Variants in TMED10 observed in about 807,000 individuals in gnomAD.
TMED10 encodes transmembrane emp24 domain-containing protein 10.
Under a neutral mutation model 23.1 loss-of-function variants are expected in TMED10, and 7 were observed. The ratio of observed to expected loss-of-function variants is 0.30; its 90% confidence interval spans 0.17 to 0.57. TMED10 has a LOEUF of 0.57. Among genes scored for constraint, TMED10 ranks in the 20% least tolerant of loss-of-function variants. The probability of loss-of-function intolerance (pLI) is 0.91; values close to 1 mark genes in which losing one functional copy is unlikely to be tolerated. For missense variants in TMED10, 162 were observed against 274.8 expected, an observed-to-expected ratio of 0.59 and a Z score of 2.90; for synonymous variants, 113 against 106.9, an observed-to-expected ratio of 1.06 and a Z score of -0.35.
At chr14:75,139,893 A>C (rs1310365075) in intron 3 of TMED10, among the ~76,000 whole-genome samples, 1 of 152,188 alleles carries the variant, frequency 6.6e-6, no homozygotes, top group Admixed American at 6.5e-5. Context: ...AAAAAACAAC[A>C]ATCATGGATA....
At chr14:75,139,635 CAA>C (rs34813747) in intron 3 of TMED10, among the ~76,000 whole-genome samples, 17 of 109,248 alleles carry the variant, frequency 1.6e-4, no homozygotes, top group Non-Finnish European at 1.3e-4. Flanking sequence ...GACTCCGACT[CAA>C]AAAAAAAAAA....
intron 1 of TMED10, among the ~76,000 whole-genome samples, chr14:75,168,202 C>T (rs553578681): frequency 1.3e-5 from 2 of 152,260 alleles, no homozygotes; most frequent in South Asian, 4.1e-4. Context: ...CCCCTACTCC[C>T]TAGTGCCTGA....
At chr14:75,151,261 C>A (rs527786486) in intron 2 of TMED10, among the ~76,000 whole-genome samples, 2 of 152,072 alleles carry the variant, frequency 1.3e-5, no homozygotes, top group Admixed American at 1.3e-4. Flanking sequence ...CACTCTGTCA[C>A]CCAGGCTGGA....
chr14:75,139,211 A>G (rs1484300992), intron 3 of TMED10: 1 of 440,404 alleles, frequency 2.3e-6, no homozygotes, highest in Non-Finnish European at 4.5e-6. Flanking sequence ...ATAACTTAAA[A>G]TCTATTTATA....
chr14:75,169,833 T>C (rs1485667023), intron 1 of TMED10, among the ~76,000 whole-genome samples: 1 of 152,152 alleles, frequency 6.6e-6, no homozygotes, highest in Non-Finnish European at 1.5e-5. Context: ...ACCTAGAATG[T>C]GGCCTACCAT....
intron 1 of TMED10, among the ~76,000 whole-genome samples, chr14:75,164,554 TATATATATATATATA>T (rs1896129780): frequency 4.5e-4 from 1 of 2,206 alleles, no homozygotes; most frequent in African/African-American, 8.2e-4. Flanking sequence ...TATATATATA[TATATATATATATATA>T]TATATATATT....
chr14:75,145,275 T>C (rs1895869109), intron 3 of TMED10, among the ~76,000 whole-genome samples: 1 of 152,176 alleles, frequency 6.6e-6, no homozygotes, highest in Non-Finnish European at 1.5e-5. Context: ...GATTCCCCTC[T>C]TGGGTTAAGC....
rs1218123750 is a variant in TMED10 at position 75,176,586 on chromosome 14, G to C, written c.-7C>G. On this transcript the variant is annotated 5_prime_UTR_variant, in exon 1 of 5. Coordinates refer to ENST00000303575, the MANE Select transcript of TMED10 (RefSeq NM_006827.6). ...GGCCAGACAAACCAGACATGGTGCT[G>C]GAGACTCGTTCACCACCGAAGGCCT... The C allele has an allele frequency of 6.2e-7, 1 of 1,613,814 alleles. No homozygotes were observed. Among genetic ancestry groups the C allele is most frequent in the Non-Finnish European group, 8.5e-7 (1 of 1,179,906 alleles).
intron 3 of TMED10, 69 bp downstream of exon 3, chr14:75,147,594 CT>C (rs1230324032): frequency 6.6e-7 from 1 of 1,510,574 alleles, no homozygotes; most frequent in African/African-American, 1.4e-5. Context: ...GCCTGTTGGC[CT>C]GCCGAGGTCA....
At chr14:75,165,585 G>A (rs1362210351) in intron 1 of TMED10, among the ~76,000 whole-genome samples, 2 of 152,094 alleles carry the variant, frequency 1.3e-5, no homozygotes, top group African/African-American at 4.8e-5. Flanking sequence ...AAACTCTGAC[G>A]GCTTAGGTGC....
In TMED10 at chr14:75,133,145, C is replaced by G. The variant is rs955983724; in HGVS notation, c.*1740G>C. ...ATTCTCTAGATGGAACACTGAAGGACAGGAATTAAGTAAGTGACTGGCCAT... is the reference window on the plus strand; with the variant it reads ...ATTCTCTAGATGGAACACTGAAGGAGAGGAATTAAGTAAGTGACTGGCCAT... On this transcript the variant is annotated 3_prime_UTR_variant, in exon 5 of 5. Transcript: ENST00000303575. The G allele has an allele frequency of 1.3e-5, 2 of 152,108 alleles. No homozygotes were observed. Among genetic ancestry groups the G allele is most frequent in the African/African-American group, 4.8e-5 (2 of 41,426 alleles). The allele number at this position is 152,108 out of a possible 1,614,324, so 9.4% of individuals were successfully genotyped here. A position where few individuals can be genotyped will look rare whatever the true frequency, so the allele number is the denominator to read the frequency against.
chr14:75,154,237 C>CA (rs78523802), intron 1 of TMED10, among the ~76,000 whole-genome samples: 14 of 122,796 alleles, frequency 1.1e-4, no homozygotes, highest in African/African-American at 3.3e-4. Flanking sequence ...ACTAAAAATA[C>CA]AAAAAAAAAA....
chr14:75,140,907 A>G (rs1221734750), intron 3 of TMED10, among the ~76,000 whole-genome samples: 1 of 151,732 alleles, frequency 6.6e-6, no homozygotes, highest in Non-Finnish European at 1.5e-5. Context: ...AATAATAAAG[A>G]AAAAAAAACT....
chr14:75,140,186 C>G (rs175439), intron 3 of TMED10, among the ~76,000 whole-genome samples: 149,156 of 152,146 alleles, frequency 0.98, 73,173 homozygotes, highest in East Asian at 1. Context: ...TTGAGATGGA[C>G]TCTTGCTCTG....
chr14:75,172,153 C>T (rs1275061469), intron 1 of TMED10, among the ~76,000 whole-genome samples: 1 of 152,108 alleles, frequency 6.6e-6, no homozygotes, highest in Non-Finnish European at 1.5e-5. Context: ...GAGCAATTGA[C>T]TCCAACAATT....
chr14:75,176,377 C>A lies in TMED10; in HGVS notation c.203G>T (p.Gly68Val). Residue 68 changes from glycine (G) to valine (V), a missense_variant, in exon 1 of 5, where the codon GGC becomes GTC. Gly to Val is a moderately radical substitution (Grantham distance 109, BLOSUM62 -3). Transcript: ENST00000303575. The stretch of plus-strand genomic sequence containing the variant: ...CACCTTGAGGTGGCTGCGCAGGCCG[C>A]CAGCGCCCCCAGACTGGTCGGAGAT... Reference protein sequence around the residue: ...YEISDQSGGAGGLRSHLKITD... With the variant: ...YEISDQSGGAVGLRSHLKITD... The A allele has an allele frequency of 6.2e-7, 1 of 1,614,224 alleles. No homozygotes were observed. The highest frequency in any genetic ancestry group is 8.5e-7 in the Non-Finnish European group (1 of 1,180,032).
At chr14:75,146,783 T>C (rs1326861756) in intron 3 of TMED10, among the ~76,000 whole-genome samples, 2 of 152,210 alleles carry the variant, frequency 1.3e-5, no homozygotes, top group Non-Finnish European at 2.9e-5. Flanking sequence ...CTTGCAGCTT[T>C]TTCCTCCATC....
At chr14:75,176,327 C>T (rs763627390) in intron 1 of TMED10, 28 bp downstream of exon 1, 2 of 1,612,674 alleles carry the variant, frequency 1.2e-6, no homozygotes, top group Non-Finnish European at 1.7e-6. Context: ...CGTCTTCCCT[C>T]CCGGCCCCAC....
chr14:75,149,782 G>A (rs901491308), intron 2 of TMED10, among the ~76,000 whole-genome samples: 4 of 152,202 alleles, frequency 2.6e-5, no homozygotes, highest in African/African-American at 7.2e-5. Flanking sequence ...TATTAAAATC[G>A]GAGTATGGCA....
Sources: allele counts gnomAD v4.1 joint callset (sites outside exome capture counted in the v4.1 genomes callset), GRCh38; gene constraint gnomAD v4.1.1; transcripts MANE v1.5; gene names NCBI Gene and HGNC (gene_info 2026-07-23, HGNC 2026-07-21).